The following TLK2 variants were observed in gnomAD, a reference collection of about 807,000 sequenced individuals.
TLK2 encodes tousled like kinase 2.
In TLK2, 6 loss-of-function variants were observed where a neutral mutation model predicts 117.3. The observed-to-expected ratio is 0.05, with a 90% CI of 0.03 to 0.10. TLK2 has a LOEUF of 0.10. Ranked by LOEUF, TLK2 falls within the 10% of genes least tolerant of loss-of-function variation. The pLI, the probability that TLK2 is intolerant of heterozygous loss-of-function variation, is 1.00. For synonymous variants in TLK2, 257 were observed against 316.7 expected (o/e 0.81, Z 2.00); for missense variants, 299 against 901.2 (o/e 0.33, Z 8.56).
At chr17:62,574,082 A>G (rs901909291) in intron 12 of TLK2, among the ~76,000 whole-genome samples, 2 of 152,234 alleles carry the variant, frequency 1.3e-5, no homozygotes, top group Non-Finnish European at 2.9e-5. Flanking sequence ...GATAAAAGAT[A>G]TATAACTTAT....
At chr17:62,477,039 C>G (rs2071069657), upstream of TLK2, among the ~76,000 whole-genome samples, 1 of 151,660 alleles carries the variant, frequency 6.6e-6, no homozygotes, top group South Asian at 2.1e-4. Flanking sequence ...TGCAGTGAGC[C>G]AAGATCGCAC....
At chr17:62,562,133 G>A (rs1452848150) in intron 10 of TLK2, among the ~76,000 whole-genome samples, 2 of 152,168 alleles carry the variant, frequency 1.3e-5, no homozygotes, top group African/African-American at 4.8e-5. Context: ...GCCAATGAGG[G>A]TGGATCACTT....
intron 11 of TLK2, among the ~76,000 whole-genome samples, chr17:62,568,913 T>G (rs1350564056): frequency 6.6e-6 from 1 of 152,224 alleles, no homozygotes; most frequent in Admixed American, 6.5e-5. Context: ...TCACTCATTT[T>G]GTTGATTTTA....
At chr17:62,596,722 A>T (rs749278813) in intron 17 of TLK2, 48 bp downstream of exon 17, 13 of 1,523,558 alleles carry the variant, frequency 8.5e-6, no homozygotes, top group Non-Finnish European at 6.4e-6. Flanking sequence ...TTTTCTTGCA[A>T]TGCTGATTGT....
At chr17:62,488,207 T>C (rs1409353553) in intron 2 of TLK2, among the ~76,000 whole-genome samples, 3 of 152,240 alleles carry the variant, frequency 2.0e-5, no homozygotes, top group Non-Finnish European at 4.4e-5. Context: ...GTGCTGGGAT[T>C]ACAGGCGTCA....
intron 1 of TLK2, 65 bp from the exon 2 acceptor site, chr17:62,481,056 C>T (rs2071584677): frequency 2.0e-6 from 3 of 1,472,952 alleles, no homozygotes; most frequent in Non-Finnish European, 2.8e-6. Context: ...GAGTTTTGTT[C>T]TACAGAAAAT....
intron 2 of TLK2, among the ~76,000 whole-genome samples, chr17:62,495,653 TTA>T (rs143548926): frequency 2.9e-5 from 4 of 137,896 alleles, no homozygotes; most frequent in African/African-American, 5.3e-5. Context: ...ATTTTAAAAA[TTA>T]TATATATATA....
At chr17:62,605,109 C>A (rs555087489) in intron 19 of TLK2, among the ~76,000 whole-genome samples, 1 of 151,224 alleles carries the variant, frequency 6.6e-6, no homozygotes, top group African/African-American at 2.4e-5. Context: ...GGGCGGATCA[C>A]GAGGTCAGGA....
intron 2 of TLK2, among the ~76,000 whole-genome samples, chr17:62,518,888 T>C (rs1343855634): frequency 6.6e-6 from 1 of 152,132 alleles, no homozygotes; most frequent in African/African-American, 2.4e-5. Flanking sequence ...CATAACTGTT[T>C]TGTTTTGAGA....
At chr17:62,609,966 G>A (rs2083610234) in intron 21 of TLK2, among the ~76,000 whole-genome samples, 2 of 152,122 alleles carry the variant, frequency 1.3e-5, no homozygotes, top group African/African-American at 4.8e-5. Context: ...AGGTTTAAGA[G>A]GACTGGTAGC....
chr17:62,591,371 A>G (rs546164362), intron 16 of TLK2, among the ~76,000 whole-genome samples: 1 of 151,330 alleles, frequency 6.6e-6, no homozygotes, highest in South Asian at 2.1e-4. Flanking sequence ...AAAAAAAAAA[A>G]CCAGCGTGGA....
chr17:62,563,656 A>G (rs950928065), intron 10 of TLK2, among the ~76,000 whole-genome samples: 2 of 152,128 alleles, frequency 1.3e-5, no homozygotes, highest in Admixed American at 1.3e-4. Context: ...TGAATTCTTT[A>G]CCGCGTCTGT....
chr17:62,487,737 C>T (rs1482825173), intron 2 of TLK2, among the ~76,000 whole-genome samples: 3 of 145,314 alleles, frequency 2.1e-5, no homozygotes, highest in African/African-American at 5.1e-5. Flanking sequence ...GATTCTCCTG[C>T]CTCAGCCTCC....
intron 2 of TLK2, among the ~76,000 whole-genome samples, chr17:62,519,666 A>G (rs1360323916): frequency 2.6e-5 from 4 of 152,192 alleles, no homozygotes; most frequent in Non-Finnish European, 5.9e-5. Flanking sequence ...TGTTTATAAT[A>G]TAAAATTATT....
At chr17:62,556,566 A>T (rs1385536231) in intron 9 of TLK2, among the ~76,000 whole-genome samples, 1 of 152,164 alleles carries the variant, frequency 6.6e-6, no homozygotes, top group Non-Finnish European at 1.5e-5. Context: ...TGCCTCTCAA[A>T]TATAACACGC....
At chr17:62,547,521 T>TTGAAAACATTGTG (rs2078040498) in intron 7 of TLK2, among the ~76,000 whole-genome samples, 5 of 152,174 alleles carry the variant, frequency 3.3e-5, no homozygotes, top group African/African-American at 1.2e-4. Flanking sequence ...GTAGTACCTT[T>TTGAAAACATTGTG]TACCTTTTGA....
At chr17:62,504,204 TAAC>T (rs1367170280) in intron 2 of TLK2, among the ~76,000 whole-genome samples, 2 of 152,174 alleles carry the variant, frequency 1.3e-5, no homozygotes, top group Non-Finnish European at 2.9e-5. Context: ...GGAAAAGAAG[TAAC>T]TAATAATCTT....
intron 7 of TLK2, among the ~76,000 whole-genome samples, chr17:62,545,706 T>C (rs1307050984): frequency 1.3e-5 from 2 of 152,068 alleles, no homozygotes; most frequent in African/African-American, 4.8e-5. Context: ...TTGTTGTTGT[T>C]GTTGTTGTTT....
chr17:62,492,942 A>G (rs893780728), intron 2 of TLK2, among the ~76,000 whole-genome samples: 2 of 152,074 alleles, frequency 1.3e-5, no homozygotes, highest in African/African-American at 2.4e-5. Context: ...CTAAAAATAC[A>G]AAAAAGTTAG....
Sources: allele counts gnomAD v4.1 joint callset (sites outside exome capture counted in the v4.1 genomes callset), GRCh38; gene constraint gnomAD v4.1.1; transcripts MANE v1.5; gene names NCBI Gene and HGNC (gene_info 2026-07-23, HGNC 2026-07-21).